The following TMEM132C variants were observed in gnomAD, a reference collection of about 807,000 sequenced individuals.
TMEM132C encodes protein phosphatase 1, regulatory subunit 152.
Under a neutral mutation model 61.4 loss-of-function variants are expected in TMEM132C, and 29 were observed. That is an observed-to-expected ratio of 0.47 (90% CI 0.35 to 0.64). The LOEUF is 0.64. Among genes scored for constraint, TMEM132C ranks in the 30% least tolerant of loss-of-function variants. TMEM132C has a pLI of 0.00. For missense variants in TMEM132C, 1,408 were observed against 1,476.9 expected (o/e 0.95, Z 0.76); for synonymous variants, 656 against 633.1 (o/e 1.04, Z -0.54).
intron 1 of TMEM132C, among the ~76,000 whole-genome samples, chr12:128,368,688 T>C (rs1210842574): frequency 6.6e-6 from 1 of 152,216 alleles, no homozygotes; most frequent in East Asian, 1.9e-4. Context: ...AAGCATCTTG[T>C]CTCTCCACAA....
chr12:128,667,945 A>G (rs538360302), intron 4 of TMEM132C, among the ~76,000 whole-genome samples: 1 of 152,326 alleles, frequency 6.6e-6, no homozygotes, highest in South Asian at 2.1e-4. Flanking sequence ...GCAACAGAGG[A>G]AGGCACTTTG....
In TMEM132C at chr12:128,706,452, G is replaced by T; in HGVS notation, c.*157G>T. On this transcript the variant is annotated 3_prime_UTR_variant, in exon 9 of 9. Transcript: ENST00000435159. Reference sequence around the variant, plus strand: ...TTTGAAGTCAGGAAAAGACGTTTTTGTATCAAGGGATTTTTAGCAGTTAAT... The same window carrying T: ...TTTGAAGTCAGGAAAAGACGTTTTTTTATCAAGGGATTTTTAGCAGTTAAT... 1.0e-6 allele frequency: 1 copy of T among 992,180 alleles called. No homozygotes were observed. The highest frequency in any genetic ancestry group is 1.6e-5 in the African/African-American group (1 of 61,716). 61.5% of individuals were successfully genotyped at this position (992,180 alleles called of 1,614,324 possible). A position where few individuals can be genotyped will look rare whatever the true frequency, so the allele number is the denominator to read the frequency against.
chr12:128,538,377 G>A (rs865851416), intron 2 of TMEM132C, among the ~76,000 whole-genome samples: 3 of 152,262 alleles, frequency 2.0e-5, no homozygotes, highest in African/African-American at 7.2e-5. Flanking sequence ...GCCCGTGTTG[G>A]CCTCCCAGAG....
In TMEM132C at chr12:128,673,761, C is replaced by T. The variant is rs1181911406; in HGVS notation, c.1449+4201C>T. ...TACAGCGTTCCCTCCAGTACTCAGT[C>T]TCCTTCTTAGTAAAGTGAGGATAAG... On this transcript the variant is annotated intron_variant, in intron 5 of 8. Transcript: ENST00000435159. Among the ~76,000 whole-genome samples, 6 of 152,364 alleles carry T rather than the reference C, an allele frequency of 3.9e-5. No homozygotes were observed. In the South Asian group the frequency reaches 6.2e-4, roughly 16 times the overall value.
intron 4 of TMEM132C, among the ~76,000 whole-genome samples, chr12:128,637,905 C>T (rs999384299): frequency 5.3e-5 from 8 of 152,132 alleles, no homozygotes; most frequent in Non-Finnish European, 5.9e-5. Flanking sequence ...AGGTAGGAAC[C>T]CTGGGACTTT....
chr12:128,322,354 G>T (rs898851575), intron 1 of TMEM132C, among the ~76,000 whole-genome samples: 1 of 152,236 alleles, frequency 6.6e-6, no homozygotes, highest in Non-Finnish European at 1.5e-5. Flanking sequence ...GTAATACCAT[G>T]TGGAGCTGAG....
At chr12:128,315,820 C>T (rs1268855083) in intron 1 of TMEM132C, among the ~76,000 whole-genome samples, 1 of 151,760 alleles carries the variant, frequency 6.6e-6, no homozygotes, top group African/African-American at 2.4e-5. Flanking sequence ...GAAGGCCACG[C>T]AGTGAAGAAA....
At chr12:128,639,414 GATAATA>G (rs1041990398) in intron 4 of TMEM132C, among the ~76,000 whole-genome samples, 3 of 151,940 alleles carry the variant, frequency 2.0e-5, no homozygotes, top group African/African-American at 7.3e-5. Context: ...TGATGATGAT[GATAATA>G]ATGATGGCAA....
intron 3 of TMEM132C, among the ~76,000 whole-genome samples, chr12:128,609,057 G>C (rs1053582725): frequency 2.0e-5 from 3 of 152,022 alleles, no homozygotes; most frequent in Admixed American, 6.6e-5. Context: ...CATCCAGGCT[G>C]CAGTGCAGTG....
intron 8 of TMEM132C, 95 bp from the exon 9 acceptor site, chr12:128,704,995 C>T: frequency 2.9e-6 from 4 of 1,372,510 alleles, no homozygotes; most frequent in African/African-American, 1.5e-5. Flanking sequence ...GATTTGAGGT[C>T]CTGCTCCCTG....
At chr12:128,300,963 C>T (rs1235231822) in intron 1 of TMEM132C, among the ~76,000 whole-genome samples, 1 of 152,160 alleles carries the variant, frequency 6.6e-6, no homozygotes, top group African/African-American at 2.4e-5. Context: ...ATATCTTGAG[C>T]TCAGGAGTTT....
At chr12:128,282,014 C>A (rs1870914972) in intron 1 of TMEM132C, among the ~76,000 whole-genome samples, 1 of 152,232 alleles carries the variant, frequency 6.6e-6, no homozygotes, top group Non-Finnish European at 1.5e-5. Flanking sequence ...AAAAACTACT[C>A]ATACATAGTG....
At chr12:128,690,116 A>C (rs538439429) in intron 5 of TMEM132C, among the ~76,000 whole-genome samples, 1 of 152,174 alleles carries the variant, frequency 6.6e-6, no homozygotes, top group Non-Finnish European at 1.5e-5. Flanking sequence ...ACCAAGCCTC[A>C]CGTGACCCCA....
In TMEM132C at chr12:128,328,896, T is replaced by G. The variant is rs552543627; in HGVS notation, c.85+61409T>G. On this transcript the variant is annotated intron_variant, in intron 1 of 8. Transcript: ENST00000435159. Reference sequence around the variant, plus strand: ...TATAAAGTAGCTAAGGTTGTCGGACTCTGGCTTAAGATTTGGATAACTGTT... The same window carrying G: ...TATAAAGTAGCTAAGGTTGTCGGACGCTGGCTTAAGATTTGGATAACTGTT... Among the ~76,000 whole-genome samples the G allele has an allele frequency of 3.9e-5, 6 of 152,088 alleles. No homozygotes were observed. The South Asian group carries it at 1.2e-3, about 32-fold the overall frequency.
intron 3 of TMEM132C, among the ~76,000 whole-genome samples, chr12:128,545,797 C>T (rs1873931892): frequency 6.6e-6 from 1 of 152,192 alleles, no homozygotes; most frequent in African/African-American, 2.4e-5. Flanking sequence ...AACCACCTTC[C>T]ACATAAATCT....
At chr12:128,401,875 C>T (rs764507551) in intron 1 of TMEM132C, among the ~76,000 whole-genome samples, 1 of 152,146 alleles carries the variant, frequency 6.6e-6, no homozygotes, top group Non-Finnish European at 1.5e-5. Flanking sequence ...TCCCTCTAGT[C>T]ATTGTGATAA....
At chr12:128,454,426 C>T (rs1870277678) in intron 2 of TMEM132C, among the ~76,000 whole-genome samples, 1 of 152,194 alleles carries the variant, frequency 6.6e-6, no homozygotes, top group Non-Finnish European at 1.5e-5. Flanking sequence ...AATCTCACCC[C>T]CAGCTCCAGA....
chr12:128,573,305 A>T (rs890406474), intron 3 of TMEM132C, among the ~76,000 whole-genome samples: 2 of 152,172 alleles, frequency 1.3e-5, no homozygotes, highest in Admixed American at 6.5e-5. Context: ...CTTTGTAGGG[A>T]CATGGATGAA....
At chr12:128,274,102 A>G (rs529494869) in intron 1 of TMEM132C, among the ~76,000 whole-genome samples, 38 of 152,286 alleles carry the variant, frequency 2.5e-4, no homozygotes, top group Admixed American at 7.9e-4. Context: ...GTGAAATACA[A>G]CCCATCTGGA....
Sources: allele counts gnomAD v4.1 joint callset (sites outside exome capture counted in the v4.1 genomes callset), GRCh38; gene constraint gnomAD v4.1.1; transcripts MANE v1.5; gene names NCBI Gene and HGNC (gene_info 2026-07-23, HGNC 2026-07-21).